Variants in HIVEP3 observed in about 807,000 individuals in gnomAD.
HIVEP3 encodes the protein HIVEP zinc finger 3.
HIVEP3 carries 49 observed loss-of-function variants against 152.8 expected under a neutral mutation model. The observed-to-expected ratio is 0.32, with a 90% confidence interval of 0.26 to 0.41. The LOEUF is 0.41. Ranked by LOEUF, HIVEP3 falls within the 10% of genes least tolerant of loss-of-function variation. The pLI is 1.00. For missense variants in HIVEP3, 2,790 were observed against 3,103.3 expected (o/e 0.90, Z 2.40); for synonymous variants, 1,269 against 1,289.0 (o/e 0.98, Z 0.33).
chr1:42,014,287 T>C (rs1055397552), intron 1 of HIVEP3, among the ~76,000 whole-genome samples: 1 of 151,888 alleles, frequency 6.6e-6, no homozygotes, highest in Non-Finnish European at 1.5e-5. Context: ...GCAAGGATGT[T>C]CACATCACAG....
intron 1 of HIVEP3, chr1:41,847,044 T>C (rs1326182979): frequency 1.3e-5 from 2 of 152,256 alleles, no homozygotes; most frequent in African/African-American, 4.8e-5. Flanking sequence ...AGGGCATATG[T>C]GGCCTTCCCA....
chr1:41,890,319 A>AACAGAAAAGTGAACAAGAGCTAGG (rs1282209730), intron 1 of HIVEP3, among the ~76,000 whole-genome samples: 2 of 152,212 alleles, frequency 1.3e-5, no homozygotes, highest in African/African-American at 4.8e-5. Flanking sequence ...TAAAGGGAGA[A>AACAGAAAAGTGAACAAGAGCTAGG]ACAGAAAAGT....
chr1:41,663,731 G>C (rs1475594491), intron 2 of HIVEP3, among the ~76,000 whole-genome samples: 1 of 152,184 alleles, frequency 6.6e-6, no homozygotes, highest in African/African-American at 2.4e-5. Context: ...GGCTTGCAGA[G>C]AGTCAAGGCA....
At chr1:41,759,738 A>C (rs1243157293) in intron 1 of HIVEP3, among the ~76,000 whole-genome samples, 1 of 152,190 alleles carries the variant, frequency 6.6e-6, no homozygotes, top group African/African-American at 2.4e-5. Context: ...CTTAGGGTTT[A>C]AAAGATCTGG....
At chr1:41,622,693 T>C in intron 3 of HIVEP3, among the ~76,000 whole-genome samples, 1 of 152,190 alleles carries the variant, frequency 6.6e-6, no homozygotes, top group African/African-American at 2.4e-5. Flanking sequence ...TGGGTGGATT[T>C]TAAGCAGCAG....
In HIVEP3 at chr1:41,582,582, C is replaced by A; in HGVS notation, c.2216G>T (p.Ser739Ile). The A allele has an allele frequency of 6.2e-7, 1 of 1,612,462 alleles. No individual in the cohort carries two copies. The highest frequency in any genetic ancestry group is 8.5e-7 in the Non-Finnish European group (1 of 1,179,096). Reference sequence around the variant, plus strand: ...CCGAGCAGCATCAGATGGCCCGGGGCTGCCAAACTGACTTTTTGTGGACTC... The same window carrying A: ...CCGAGCAGCATCAGATGGCCCGGGGATGCCAAACTGACTTTTTGTGGACTC... ...AFESTKSQFG[S>I]PGPSDAARNL... The change falls in exon 4 of 9, where the codon AGC becomes ATC. Residue 739 changes from serine (S) to isoleucine (I), a missense_variant. Ser to Ile is a moderately radical substitution (Grantham distance 142). This residue lies in a region of HIVEP3 where 339 missense variants were observed against 327.0 expected (regional missense o/e 1.04). Coordinates refer to ENST00000372583, the MANE Select transcript of HIVEP3 (RefSeq NM_024503.5). The surrounding 1 kb of genome is among the most constrained non-coding windows in gnomAD (Gnocchi z 4.7).
intron 1 of HIVEP3, among the ~76,000 whole-genome samples, chr1:41,704,617 TTTAA>T (rs1403859903): frequency 9.9e-5 from 15 of 152,248 alleles, no homozygotes; most frequent in Non-Finnish European, 2.9e-5. Flanking sequence ...AGCCAGAAGC[TTTAA>T]TTCTTTGCCT....
chr1:41,832,784 G>C (rs1643001535), intron 1 of HIVEP3, among the ~76,000 whole-genome samples: 1 of 152,218 alleles, frequency 6.6e-6, no homozygotes, highest in Non-Finnish European at 1.5e-5. Context: ...AGGAAACTGA[G>C]ACTGCCTAAT....
chr1:41,879,175 T>G (rs1230647268), intron 1 of HIVEP3, among the ~76,000 whole-genome samples: 1 of 152,202 alleles, frequency 6.6e-6, no homozygotes, highest in Admixed American at 6.5e-5. Flanking sequence ...GAGATTAATC[T>G]GGCATTGCAG....
rs184236448 is a variant in HIVEP3 at position 41,985,249 on chromosome 1, G to A, written n.119+50558C>T. Among the ~76,000 whole-genome samples the A allele has an allele frequency of 2.5e-3, 374 of 152,216 alleles. 1 individual carries two copies. Among genetic ancestry groups the A allele is most frequent in the African/African-American group, 8.6e-3 (356 of 41,528 alleles). ...GTACCACAAAATGAGGCCTAAGAAG[G>A]AGGCAGGAGCCAGGACATGTAGAAT... On this transcript the variant is annotated intron_variant and non_coding_transcript_variant, in intron 1 of 3. Transcript: ENST00000489103.
At chr1:41,956,404 G>A (rs1394785026) in intron 1 of HIVEP3, among the ~76,000 whole-genome samples, 1 of 152,174 alleles carries the variant, frequency 6.6e-6, no homozygotes, top group Non-Finnish European at 1.5e-5. Flanking sequence ...TCCTAAGCAA[G>A]AAAAACAATA....
chr1:42,005,738 C>T (rs765394744), intron 1 of HIVEP3, among the ~76,000 whole-genome samples: 2 of 152,176 alleles, frequency 1.3e-5, no homozygotes, highest in Non-Finnish European at 2.9e-5. Context: ...GAAATCTTTG[C>T]TATCAGTTGA....
intron 2 of HIVEP3, among the ~76,000 whole-genome samples, chr1:41,682,140 G>A (rs533816561): frequency 3.9e-5 from 6 of 152,124 alleles, no homozygotes; most frequent in Non-Finnish European, 5.9e-5. Flanking sequence ...ACAGGGACAC[G>A]CAGCTGAGGC....
chr1:41,902,487 G>A (rs12073222), intron 1 of HIVEP3, among the ~76,000 whole-genome samples: 2,723 of 152,280 alleles, frequency 0.018, 89 homozygotes, highest in African/African-American at 0.063. Context: ...CCAGGGCAAG[G>A]TGGCTGACCT....
chr1:41,863,091 C>A (rs111633689), intron 1 of HIVEP3, among the ~76,000 whole-genome samples: 69 of 152,328 alleles, frequency 4.5e-4, no homozygotes, highest in African/African-American at 1.3e-3. Flanking sequence ...ATTTCACAGG[C>A]GTTCCTCCTC....
intron 1 of HIVEP3, among the ~76,000 whole-genome samples, chr1:41,934,139 C>T (rs1645008570): frequency 6.6e-6 from 1 of 152,168 alleles, no homozygotes; most frequent in Admixed American, 6.5e-5. Flanking sequence ...CAATTCACTA[C>T]AAGGGAGATT....
intron 1 of HIVEP3, among the ~76,000 whole-genome samples, chr1:41,917,411 C>A (rs897794857): frequency 2.0e-5 from 3 of 152,176 alleles, no homozygotes; most frequent in African/African-American, 7.2e-5. Flanking sequence ...CTACCAGAAA[C>A]GTCAGCGTAT....
intron 1 of HIVEP3, among the ~76,000 whole-genome samples, chr1:41,925,119 A>G (rs1644961337): frequency 6.6e-6 from 1 of 152,228 alleles, no homozygotes; most frequent in Non-Finnish European, 1.5e-5. Flanking sequence ...TGGATCTGAC[A>G]TTTTTAAAGG....
Position 41,580,389 on chromosome 1 carries a change from A to C in HIVEP3, c.4409T>G (p.Val1470Gly). 1 of 1,614,186 alleles carries C rather than the reference A, an allele frequency of 6.2e-7. No individual in the cohort carries two copies. ...EKLELVKPCS[V>G]VLTSTEDGKR... ...CCCATCCTCGGTGCTGGTAAGGACC[A>C]CACTGCATGGTTTTACCAGCTCAAG... The change falls in exon 4 of 9, where the codon GTG becomes GGG. Residue 1470 changes from valine to glycine, a missense_variant. This residue lies in a region of HIVEP3 where 1,078 missense variants were observed against 1,165.3 expected (regional missense o/e 0.93). Transcript: ENST00000372583.
Sources: allele counts gnomAD v4.1 joint callset (sites outside exome capture counted in the v4.1 genomes callset), GRCh38; gene constraint gnomAD v4.1.1; regional missense constraint gnomAD v4.1.1; non-coding constraint Gnocchi (gnomAD v3.1); transcripts MANE v1.5; gene names NCBI Gene and HGNC (gene_info 2026-07-23, HGNC 2026-07-21).